The following FRMD4A variants were observed in gnomAD, a reference collection of about 807,000 sequenced individuals.
The protein encoded by FRMD4A is FERM domain-containing protein 4A.
A neutral mutation model predicts 129.1 loss-of-function variants in FRMD4A; 29 were observed. The observed-to-expected ratio is 0.22, with a 90% CI of 0.17 to 0.31. FRMD4A has a LOEUF of 0.31. Among genes scored for constraint, FRMD4A ranks in the 10% least tolerant of loss-of-function variants. The pLI is 1.00. For missense variants in FRMD4A, 1,272 were observed against 1,375.8 expected (o/e 0.92, Z 1.19); for synonymous variants, 634 against 571.6 (o/e 1.11, Z -1.56).
chr10:13,688,326 T>C (rs1321316185), intron 15 of FRMD4A, among the ~76,000 whole-genome samples: 1 of 151,646 alleles, frequency 6.6e-6, no homozygotes, highest in Admixed American at 6.6e-5. Context: ...TTCTCACTCA[T>C]AGGTGGGAAT....
At position 13,679,474 on chromosome 10, in the gene FRMD4A, T is replaced by TATAC. The variant is rs1308155926; in HGVS notation, c.1118-4431_1118-4430insGTAT. ...AAAAAAAAAAAAATATATATATATA[T>TATAC]ACACACACACACACACACACACACA... On this transcript the variant is annotated intron_variant, in intron 15 of 24. Coordinates refer to ENST00000357447, the MANE Select transcript of FRMD4A (RefSeq NM_018027.5). 6.0e-4 allele frequency among the ~76,000 whole-genome samples: 19 copies of TATAC among 31,490 alleles called. No individual in the cohort carries two copies. In the East Asian group the frequency reaches 0.015, roughly 26 times the overall value. 20.7% of individuals were successfully genotyped at this position (31,490 alleles called of 152,430 possible). A position where few individuals can be genotyped will look rare whatever the true frequency, so the allele number is the denominator to read the frequency against.
intron 2 of FRMD4A, among the ~76,000 whole-genome samples, chr10:14,242,703 T>TA (rs1427588440): frequency 6.6e-6 from 1 of 152,158 alleles, no homozygotes; most frequent in Non-Finnish European, 1.5e-5. Context: ...TTCGTACAAA[T>TA]AATCTGAAAC....
chr10:13,854,298 C>T (rs564661006), intron 3 of FRMD4A, among the ~76,000 whole-genome samples: 71 of 152,300 alleles, frequency 4.7e-4, no homozygotes, highest in African/African-American at 1.7e-3. Flanking sequence ...GATATGACAA[C>T]GAGACTTAGG....
At chr10:13,769,160 T>G (rs1009850723) in intron 6 of FRMD4A, among the ~76,000 whole-genome samples, 3 of 151,108 alleles carry the variant, frequency 2.0e-5, no homozygotes, top group African/African-American at 7.3e-5. Context: ...CTGGCTAATT[T>G]TTTGCATTTT....
chr10:13,877,717 A>T (rs1316955819), intron 2 of FRMD4A, among the ~76,000 whole-genome samples: 1 of 152,168 alleles, frequency 6.6e-6, no homozygotes, highest in African/African-American at 2.4e-5. Flanking sequence ...GCTGGCAGGG[A>T]CTTCTTGGTC....
At chr10:13,718,981 G>T (rs1384005569) in intron 12 of FRMD4A, among the ~76,000 whole-genome samples, 4 of 152,204 alleles carry the variant, frequency 2.6e-5, no homozygotes, top group Non-Finnish European at 4.4e-5. Flanking sequence ...GTGAGTGAAT[G>T]AATGAATGAA....
intron 2 of FRMD4A, among the ~76,000 whole-genome samples, chr10:14,243,710 A>G (rs560115958): frequency 1.6e-4 from 24 of 152,246 alleles, no homozygotes; most frequent in African/African-American, 5.8e-4. Flanking sequence ...GAAGACAGAA[A>G]AAAAAGAAAA....
At chr10:14,155,414 T>A (rs1564345987) in intron 2 of FRMD4A, among the ~76,000 whole-genome samples, 1 of 152,050 alleles carries the variant, frequency 6.6e-6, no homozygotes, top group Non-Finnish European at 1.5e-5. Context: ...CTGGGGGCAA[T>A]AAATAATGAG....
intron 2 of FRMD4A, among the ~76,000 whole-genome samples, chr10:14,072,111 T>C (rs952389350): frequency 6.6e-6 from 1 of 152,248 alleles, no homozygotes; most frequent in Non-Finnish European, 1.5e-5. Flanking sequence ...CCCAAGTCAA[T>C]TGACCATTCA....
At chr10:14,269,355 G>A (rs1158189595) in intron 2 of FRMD4A, among the ~76,000 whole-genome samples, 1 of 152,228 alleles carries the variant, frequency 6.6e-6, no homozygotes, top group Middle Eastern at 3.4e-3. Context: ...TAAACAACCC[G>A]ACCGTATTAT....
rs188538997 is a variant in FRMD4A at position 14,049,592 on chromosome 10, T to C, written c.46-190680A>G. Among the ~76,000 whole-genome samples the C allele has an allele frequency of 2.6e-5, 4 of 152,350 alleles. No homozygotes were observed. In the East Asian group the frequency reaches 7.7e-4, roughly 29 times the overall value. ...TCAGAGGCAGTTGGATTTTATCCGT[T>C]TCAGAGTTGAGTCTTACTGTGGAAA... On this transcript the variant is annotated intron_variant, in intron 2 of 24. Coordinates refer to ENST00000357447, the MANE Select transcript of FRMD4A (RefSeq NM_018027.5).
At chr10:13,828,535 C>CTTTCT (rs1554923864) in intron 3 of FRMD4A, among the ~76,000 whole-genome samples, 75,006 of 134,954 alleles carry the variant, frequency 0.56, 21,750 homozygotes, top group Middle Eastern at 0.7. Context: ...TTCTTTCTTT[C>CTTTCT]TTTTTTTTTT....
intron 12 of FRMD4A, among the ~76,000 whole-genome samples, chr10:13,720,429 C>T (rs1422890500): frequency 1.3e-5 from 2 of 152,064 alleles, no homozygotes; most frequent in African/African-American, 4.8e-5. Flanking sequence ...AGCAGTGGGT[C>T]GCAAAAATGA....
intron 2 of FRMD4A, among the ~76,000 whole-genome samples, chr10:13,973,986 A>T (rs1179273447): frequency 6.6e-6 from 1 of 151,416 alleles, no homozygotes; most frequent in African/African-American, 2.4e-5. Flanking sequence ...CTCTTATCCA[A>T]AGCATGTAAT....
chr10:14,293,998 T>C (rs1263195653), intron 2 of FRMD4A, among the ~76,000 whole-genome samples: 1 of 152,192 alleles, frequency 6.6e-6, no homozygotes, highest in Non-Finnish European at 1.5e-5. Flanking sequence ...AAACTAAATG[T>C]ATTACTTGGG....
In FRMD4A at chr10:14,128,085, TTTCTTTCTTTCTTTC is replaced by T. The variant is rs1227857675; in HGVS notation, c.45+201958_45+201972del. ...CTTTCTTTCTTTCTTTCTTTCTTTC[TTTCTTTCTTTCTTTC>T]TTTCTTTTCTTTTCTTTTCTTGAGA... On this transcript the variant is annotated intron_variant, in intron 2 of 24. Transcript: ENST00000357447. 2.6e-3 allele frequency among the ~76,000 whole-genome samples: 305 copies of T among 116,038 alleles called. 5 individuals are homozygous for T. Among genetic ancestry groups the T allele is most frequent in the African/African-American group, 6.8e-3 (220 of 32,232 alleles). 76.1% of individuals were successfully genotyped at this position (116,038 alleles called of 152,430 possible).
chr10:14,236,098 T>G (rs1843803394), intron 2 of FRMD4A, among the ~76,000 whole-genome samples: 1 of 152,238 alleles, frequency 6.6e-6, no homozygotes, highest in Non-Finnish European at 1.5e-5. Context: ...TTCTTTCCTA[T>G]TCTTGACGAT....
At chr10:13,829,967 C>T (rs1000468135) in intron 3 of FRMD4A, among the ~76,000 whole-genome samples, 19 of 152,248 alleles carry the variant, frequency 1.2e-4, no homozygotes, top group Admixed American at 6.5e-5. Flanking sequence ...CCTCTGACCC[C>T]TTCCTGTCGC....
chr10:13,784,356 G>C (rs576067751), intron 5 of FRMD4A, among the ~76,000 whole-genome samples: 1 of 152,242 alleles, frequency 6.6e-6, no homozygotes, highest in South Asian at 2.1e-4. Context: ...GAAGTCCACT[G>C]GTTTTTAAAT....
Sources: allele counts gnomAD v4.1 joint callset (sites outside exome capture counted in the v4.1 genomes callset), GRCh38; gene constraint gnomAD v4.1.1; transcripts MANE v1.5; gene names NCBI Gene and HGNC (gene_info 2026-07-23, HGNC 2026-07-21).